ARIH1: variants seen among roughly 807,000 people sequenced by gnomAD.
The protein encoded by ARIH1 is ariadne RBR E3 ubiquitin protein ligase 1.
ARIH1 carries 8 observed loss-of-function variants against 85.0 expected under a neutral mutation model. That is an observed-to-expected ratio of 0.09 (90% CI 0.06 to 0.17). The LOEUF (loss-of-function observed/expected upper bound fraction) is 0.17. Among genes scored for constraint, ARIH1 ranks in the 10% least tolerant of loss-of-function variants. The pLI, the probability that ARIH1 is intolerant of heterozygous loss-of-function variation, is 1.00. For synonymous variants in ARIH1, 238 were observed against 253.6 expected (o/e 0.94, Z 0.59); for missense variants, 311 against 718.1 (o/e 0.43, Z 6.48).
rs2064346641 is a variant in ARIH1 at position 72,592,374 on chromosome 15, G to A, written c.*9082G>A. On this transcript the variant is annotated 3_prime_UTR_variant, in exon 14 of 14. Transcript: ENST00000379887. The stretch of plus-strand genomic sequence containing the variant: ...GATAATAGGCCAGTAAAGAGTGGGA[G>A]ACAAACACTCCTGGAATAGGAAGCC... 1 of 152,198 alleles carries A rather than the reference G, an allele frequency of 6.6e-6. No individual in the cohort carries two copies. The highest frequency in any genetic ancestry group is 1.5e-5 in the Non-Finnish European group (1 of 68,036). The allele number at this position is 152,198 out of a possible 1,614,324, so 9.4% of individuals were successfully genotyped here.
chr15:72,522,187 G>A (rs1055035075), intron 2 of ARIH1, among the ~76,000 whole-genome samples: 2 of 152,122 alleles, frequency 1.3e-5, no homozygotes, highest in Non-Finnish European at 2.9e-5. Context: ...GCAATTTACA[G>A]TCTTAAGGGT....
intron 12 of ARIH1, 39 bp downstream of exon 12, chr15:72,581,030 A>T: frequency 4.4e-6 from 7 of 1,587,948 alleles, no homozygotes; most frequent in Non-Finnish European, 6.0e-6. Flanking sequence ...CCCACCTTGT[A>T]TCATAGGTCT....
chr15:72,506,836 G>GTT (rs548966122), intron 1 of ARIH1, among the ~76,000 whole-genome samples: 1 of 149,670 alleles, frequency 6.7e-6, no homozygotes, highest in African/African-American at 2.5e-5. Context: ...TAAAAAAGTG[G>GTT]TTTTTTTTTG....
rs753167225 is a variant in ARIH1, at chr15:72,582,159, A to G, written c.1561A>G (p.Ile521Val). ...RDISQDSLQD[I>V]KQKVQDKYRY... Reference sequence around the variant, plus strand: ...TATTTCCCAAGATTCTCTGCAGGATATAAAGCAGAAAGTACAAGACAAGTA... The same window carrying G: ...TATTTCCCAAGATTCTCTGCAGGATGTAAAGCAGAAAGTACAAGACAAGTA... The change falls in exon 13 of 14, where the codon ATA becomes GTA. Residue 521 changes from isoleucine (I) to valine (V), a missense_variant. Physicochemically the swap from Ile to Val is conservative, Grantham distance 29 (BLOSUM62 3). This residue lies in a region of ARIH1 where 50 missense variants were observed against 311.7 expected (regional missense o/e 0.16). Coordinates refer to ENST00000379887, the MANE Select transcript of ARIH1 (RefSeq NM_005744.5). This position sits in a 1 kb window ranked among gnomAD's most constrained non-coding sequence, Gnocchi z 4.6. 1 of 1,613,244 alleles carries G rather than the reference A, an allele frequency of 6.2e-7. No individual in the cohort carries two copies. The highest frequency in any genetic ancestry group is 1.3e-5 in the African/African-American group (1 of 75,004).
intron 5 of ARIH1, among the ~76,000 whole-genome samples, chr15:72,556,343 A>G (rs575010251): frequency 2.6e-5 from 4 of 152,348 alleles, no homozygotes; most frequent in South Asian, 2.1e-4. Context: ...TGATACAGCT[A>G]TGAGAGTCTT....
At position 72,595,821 on chromosome 15, in the gene ARIH1, T is replaced by G. The variant is rs1448935031; in HGVS notation, c.*12529T>G. 4.8e-5 allele frequency: 7 copies of G among 144,752 alleles called. No homozygotes were observed. The highest frequency in any genetic ancestry group is 1.9e-4 in the African/African-American group (7 of 36,698). 9.0% of individuals were successfully genotyped at this position (144,752 alleles called of 1,614,324 possible). Reference sequence around the variant, plus strand: ...TTTGTTTTTTCTGTTTTTTTTTTTTTTTTTTCATCTTTGTTTTTGTTTTTT... The same window carrying G: ...TTTGTTTTTTCTGTTTTTTTTTTTTGTTTTTCATCTTTGTTTTTGTTTTTT... On this transcript the variant is annotated 3_prime_UTR_variant, in exon 14 of 14. Transcript: ENST00000379887.
intron 1 of ARIH1, among the ~76,000 whole-genome samples, chr15:72,492,088 A>G (rs890474351): frequency 2.6e-5 from 4 of 152,196 alleles, no homozygotes; most frequent in Non-Finnish European, 5.9e-5. Flanking sequence ...TTAAGACTTT[A>G]CAGCTTACAT....
chr15:72,573,394 C>G (rs1024297819), intron 11 of ARIH1, among the ~76,000 whole-genome samples: 7 of 152,006 alleles, frequency 4.6e-5, no homozygotes, highest in Admixed American at 2.0e-4. Flanking sequence ...AACACTGTCT[C>G]TACTAAAAAT....
chr15:72,547,456 C>T (rs891158374), intron 3 of ARIH1, among the ~76,000 whole-genome samples: 1 of 152,170 alleles, frequency 6.6e-6, no homozygotes, highest in African/African-American at 2.4e-5. Context: ...TGGTCTTGAA[C>T]TCCTGACCTC....
intron 12 of ARIH1, among the ~76,000 whole-genome samples, chr15:72,581,215 T>G (rs1411015496): frequency 6.6e-6 from 1 of 152,158 alleles, no homozygotes; most frequent in Admixed American, 6.5e-5. Context: ...GGTTCTGGAG[T>G]CAGCCCTAGA....
At chr15:72,561,152 T>C (rs1275915954) in intron 5 of ARIH1, among the ~76,000 whole-genome samples, 2 of 152,226 alleles carry the variant, frequency 1.3e-5, no homozygotes, top group African/African-American at 2.4e-5. Context: ...AGGCATGATA[T>C]GATATCAGAG....
Position 72,587,130 on chromosome 15 carries a change from G to A in ARIH1, c.*3838G>A. 2.2e-6 allele frequency: 1 copy of A among 453,390 alleles called. No homozygotes were observed. Among genetic ancestry groups the A allele is most frequent in the South Asian group, 1.6e-5 (1 of 61,894 alleles). The allele number at this position is 453,390 out of a possible 1,614,324, so 28.1% of individuals were successfully genotyped here. On this transcript the variant is annotated 3_prime_UTR_variant, in exon 14 of 14. Transcript: ENST00000379887. ...CAACTTACTGTCTAAAACAAGTGGA[G>A]AAGAAATTGCCATTTTTTATAAAGG...
chr15:72,490,823 A>G (rs1026572064), intron 1 of ARIH1, among the ~76,000 whole-genome samples: 6 of 152,196 alleles, frequency 3.9e-5, no homozygotes, highest in African/African-American at 1.4e-4. Flanking sequence ...CCAGTGACTA[A>G]ACAATGCAGA....
chr15:72,537,089 C>T (rs1177072199), intron 2 of ARIH1, among the ~76,000 whole-genome samples: 3 of 149,102 alleles, frequency 2.0e-5, no homozygotes, highest in Admixed American at 6.7e-5. Flanking sequence ...TGTGAGTTCT[C>T]ATTTTTGTTG....
intron 1 of ARIH1, among the ~76,000 whole-genome samples, chr15:72,481,385 G>T (rs2063816119): frequency 2.0e-5 from 3 of 152,168 alleles, no homozygotes; most frequent in Admixed American, 1.3e-4. Flanking sequence ...ACAGAGGTGG[G>T]TTAATGAGGG....
chr15:72,558,347 C>G (rs192955467), intron 5 of ARIH1, among the ~76,000 whole-genome samples: 1 of 152,154 alleles, frequency 6.6e-6, no homozygotes, highest in Admixed American at 6.5e-5. Flanking sequence ...TTTGCCCAGG[C>G]TGGAGTACAA....
In ARIH1 at chr15:72,495,139, G is replaced by A. The variant is rs567377041; in HGVS notation, c.375+20125G>A. On this transcript the variant is annotated intron_variant, in intron 1 of 13. Transcript: ENST00000379887. ...AGTCACGATAGCCCTTATACTGTGT[G>A]GTATCATTTATACAAAATGTCCTGA... Among the ~76,000 whole-genome samples, 6 of 152,178 alleles carry A rather than the reference G, an allele frequency of 3.9e-5. No individual in the cohort carries two copies. In the East Asian group the frequency reaches 9.6e-4, roughly 24 times the overall value.
At position 72,567,125 on chromosome 15, in the gene ARIH1, A is replaced by C; in HGVS notation, c.974A>C (p.Lys325Thr). 1 of 1,611,900 alleles carries C rather than the reference A, an allele frequency of 6.2e-7. No homozygotes were observed. The highest frequency in any genetic ancestry group is 8.5e-7 in the Non-Finnish European group (1 of 1,178,990). The change falls in exon 9 of 14, where the codon AAA becomes ACA. Residue 325 changes from lysine (K) to threonine (T), a missense_variant. By Grantham distance (78) the Lys-to-Thr change is moderately conservative. Transcript: ENST00000379887. ...AAACAGTGGTTAAAGAAATGGATTA[A>C]AAAGTGTGATGATGACAGTGAAACC... ...VKCKWLKKWIKKCDDDSETSN... is the reference protein window; with the variant it reads ...VKCKWLKKWITKCDDDSETSN...
chr15:72,586,493 G>A lies in ARIH1; in HGVS notation c.*3201G>A, dbSNP rs914428926. 6.6e-6 allele frequency: 1 copy of A among 152,210 alleles called. No individual in the cohort carries two copies. The highest frequency in any genetic ancestry group is 1.5e-5 in the Non-Finnish European group (1 of 68,042). 9.4% of individuals were successfully genotyped at this position (152,210 alleles called of 1,614,324 possible). On this transcript the variant is annotated 3_prime_UTR_variant, in exon 14 of 14. Transcript: ENST00000379887. The stretch of plus-strand genomic sequence containing the variant: ...TCTTAGATTTCATTGTAACTGGACT[G>A]TTCAGGTTGCCCAGAGGGAAAGAAC...
Sources: allele counts gnomAD v4.1 joint callset (sites outside exome capture counted in the v4.1 genomes callset), GRCh38; gene constraint gnomAD v4.1.1; regional missense constraint gnomAD v4.1.1; non-coding constraint Gnocchi (gnomAD v3.1); transcripts MANE v1.5; gene names NCBI Gene and HGNC (gene_info 2026-07-23, HGNC 2026-07-21).